The following PALLD variants were observed in gnomAD, a reference collection of about 807,000 sequenced individuals.
PALLD encodes palladin.
In PALLD, 61 loss-of-function variants were observed where a neutral mutation model predicts 123.5. That is an observed-to-expected ratio of 0.49 (90% confidence interval 0.40 to 0.61). The LOEUF (loss-of-function observed/expected upper bound fraction) is 0.61. PALLD is among the 20% of genes least tolerant of loss of function. The probability of loss-of-function intolerance (pLI) is 0.00; values close to 1 mark genes in which losing one functional copy is unlikely to be tolerated. For missense variants in PALLD, 1,273 were observed against 1,377.0 expected, an observed-to-expected ratio of 0.92 and a Z score of 1.20; for synonymous variants, 465 against 496.4, an observed-to-expected ratio of 0.94 and a Z score of 0.84.
chr4:168,853,368 C>G (rs7660945), intron 10 of PALLD, among the ~76,000 whole-genome samples: 136,195 of 152,172 alleles, frequency 0.9, 61,052 homozygotes, highest in East Asian at 1. Context: ...TCAGCATCCT[C>G]CCTCCCAGCT....
intron 10 of PALLD, among the ~76,000 whole-genome samples, chr4:168,715,726 G>A (rs6553042): frequency 0.071 from 10,751 of 152,188 alleles, 443 homozygotes; most frequent in South Asian, 0.13. Context: ...CAAGGTGGGC[G>A]GATCACGAGG....
intron 15 of PALLD, among the ~76,000 whole-genome samples, chr4:168,911,551 A>T (rs1758950247): frequency 6.6e-6 from 1 of 152,194 alleles, no homozygotes. Flanking sequence ...TTAAGTGTTC[A>T]TGTGTTATCT....
At chr4:168,681,050 G>A (rs955714428) in intron 3 of PALLD, among the ~76,000 whole-genome samples, 1 of 152,066 alleles carries the variant, frequency 6.6e-6, no homozygotes, top group African/African-American at 2.4e-5. Flanking sequence ...TTAAAAGTAC[G>A]GTTGTGATGA....
chr4:168,781,378 C>A (rs1218822176), intron 10 of PALLD, among the ~76,000 whole-genome samples: 1 of 152,176 alleles, frequency 6.6e-6, no homozygotes, highest in East Asian at 1.9e-4. Context: ...TGGAAAAGGG[C>A]AAACCAGGAG....
chr4:168,723,557 A>T (rs890512000), intron 10 of PALLD, among the ~76,000 whole-genome samples: 3 of 152,196 alleles, frequency 2.0e-5, no homozygotes, highest in African/African-American at 7.2e-5. Context: ...TTGGAGAAGG[A>T]AGATGAGGAG....
intron 10 of PALLD, among the ~76,000 whole-genome samples, chr4:168,760,678 A>G (rs2150436896): frequency 6.6e-6 from 1 of 152,288 alleles, no homozygotes; most frequent in African/African-American, 2.4e-5. Flanking sequence ...ACCCAAGAGC[A>G]TGCTGGAAAA....
intron 2 of PALLD, among the ~76,000 whole-genome samples, chr4:168,547,018 A>G (rs1488587623): frequency 1.3e-5 from 2 of 152,038 alleles, no homozygotes; most frequent in Non-Finnish European, 2.9e-5. Context: ...ATTAAATTTT[A>G]CCTTTTGGGT....
chr4:168,499,945 T>G (rs1761222446), intron 1 of PALLD, among the ~76,000 whole-genome samples: 1 of 152,216 alleles, frequency 6.6e-6, no homozygotes, highest in Non-Finnish European at 1.5e-5. Context: ...TTTCCCCTTA[T>G]CTAAATTTTT....
intron 10 of PALLD, among the ~76,000 whole-genome samples, chr4:168,858,609 C>G (rs1326666766): frequency 1.3e-5 from 2 of 151,844 alleles, no homozygotes; most frequent in Non-Finnish European, 2.9e-5. Flanking sequence ...ACAGGGAGAC[C>G]CCATCTCTAC....
intron 7 of PALLD, among the ~76,000 whole-genome samples, chr4:168,690,985 C>A (rs1025998427): frequency 3.3e-5 from 5 of 152,160 alleles, no homozygotes; most frequent in African/African-American, 1.2e-4. Context: ...CTCAAATTTG[C>A]ATGAATAATT....
intron 2 of PALLD, among the ~76,000 whole-genome samples, chr4:168,629,321 T>C (rs1005832453): frequency 6.6e-6 from 1 of 152,104 alleles, no homozygotes; most frequent in African/African-American, 2.4e-5. Flanking sequence ...GCCCTGCCTA[T>C]AGTATTTTTA....
chr4:168,729,690 A>G (rs1385513968), intron 10 of PALLD, among the ~76,000 whole-genome samples: 2 of 152,094 alleles, frequency 1.3e-5, no homozygotes, highest in African/African-American at 4.8e-5. Context: ...CCTAAGTGCC[A>G]TATATTTCAC....
chr4:168,523,455 C>T (rs1763761642), intron 2 of PALLD, among the ~76,000 whole-genome samples: 1 of 152,124 alleles, frequency 6.6e-6, no homozygotes, highest in Admixed American at 6.5e-5. Context: ...AATAGATATA[C>T]AGTTGTGGAC....
At chr4:168,672,863 G>T (rs1281985780) in intron 3 of PALLD, among the ~76,000 whole-genome samples, 1 of 152,066 alleles carries the variant, frequency 6.6e-6, no homozygotes, top group Non-Finnish European at 1.5e-5. Flanking sequence ...GTTTTAAAAG[G>T]CTAAGTAATG....
chr4:168,554,429 G>A (rs1377268563), intron 2 of PALLD, among the ~76,000 whole-genome samples: 1 of 152,136 alleles, frequency 6.6e-6, no homozygotes, highest in Non-Finnish European at 1.5e-5. Flanking sequence ...CTTTAACGGG[G>A]AGAAATTTGT....
chr4:168,687,486 T>C (rs1304987411), intron 6 of PALLD, among the ~76,000 whole-genome samples: 1 of 152,216 alleles, frequency 6.6e-6, no homozygotes, highest in Non-Finnish European at 1.5e-5. Context: ...AGAAAGGGTG[T>C]GTTGTCCAAT....
chr4:168,797,053 CTACTT>C (rs1554084475), intron 10 of PALLD, among the ~76,000 whole-genome samples: 2 of 152,182 alleles, frequency 1.3e-5, no homozygotes, highest in Non-Finnish European at 2.9e-5. Context: ...TGAGTTGTCT[CTACTT>C]TCCTTTCAAA....
intron 2 of PALLD, among the ~76,000 whole-genome samples, chr4:168,658,612 A>G (rs796199174): frequency 4.6e-5 from 7 of 152,036 alleles, no homozygotes; most frequent in African/African-American, 1.7e-4. Context: ...AAGATGGTAA[A>G]TAAATATCTG....
chr4:168,676,974 C>T (rs923179553), intron 3 of PALLD, among the ~76,000 whole-genome samples: 6 of 152,050 alleles, frequency 3.9e-5, no homozygotes, highest in Non-Finnish European at 8.8e-5. Flanking sequence ...GGAGCAGGAT[C>T]GTCGGCGTGT....
Sources: gnomAD v4.1 joint callset for allele counts (sites outside exome capture counted in the v4.1 genomes callset) on GRCh38, gnomAD v4.1.1 for gene constraint, MANE v1.5 for transcripts, NCBI Gene and HGNC (gene_info 2026-07-23, HGNC 2026-07-21) for gene names.